The following CELF2 variants were observed in gnomAD, a reference collection of about 807,000 sequenced individuals.
CELF2 encodes the protein CUGBP Elav-like family member 2.
CELF2 carries 8 observed loss-of-function variants against 62.6 expected under a neutral mutation model. That is an observed-to-expected ratio of 0.13 (90% CI 0.07 to 0.23). The LOEUF is 0.23. CELF2 is among the 10% of genes least tolerant of loss of function. The pLI is 1.00. For synonymous variants in CELF2, 258 were observed against 250.0 expected (o/e 1.03, Z -0.30); for missense variants, 333 against 671.0 (o/e 0.50, Z 5.56).
chr10:10,994,706 T>C (rs1443627516), intron 2 of CELF2, among the ~76,000 whole-genome samples: 3 of 152,114 alleles, frequency 2.0e-5, no homozygotes, highest in African/African-American at 4.8e-5. Flanking sequence ...GAGTTTCATC[T>C]CAAAACCATC....
At chr10:10,699,362 T>A in the CELF2 span, among the ~76,000 whole-genome samples, 2 of 152,226 alleles carry the variant, frequency 1.3e-5, no homozygotes, top group Non-Finnish European at 2.9e-5. Flanking sequence ...CTTTTTGTGC[T>A]TCCTGGGTCT....
the CELF2 span, among the ~76,000 whole-genome samples, chr10:10,580,969 AG>A: frequency 6.6e-6 from 1 of 152,196 alleles, no homozygotes; most frequent in Non-Finnish European, 1.5e-5. Context: ...GTCCATGAAA[AG>A]GTTACAATTA....
the CELF2 span, among the ~76,000 whole-genome samples, chr10:10,716,526 G>A: frequency 2.6e-5 from 4 of 152,140 alleles, no homozygotes; most frequent in Non-Finnish European, 4.4e-5. Context: ...GGGTGATAAA[G>A]CAAGACTCAG....
intron 1 of CELF2, among the ~76,000 whole-genome samples, chr10:11,082,816 A>G (rs1322080913): frequency 6.6e-6 from 1 of 152,214 alleles, no homozygotes; most frequent in Non-Finnish European, 1.5e-5. Context: ...ATTGACTTCA[A>G]GATACCTCTT....
intron 7 of CELF2, among the ~76,000 whole-genome samples, chr10:11,273,324 G>C (rs973163201): frequency 6.6e-6 from 1 of 152,106 alleles, no homozygotes; most frequent in African/African-American, 2.4e-5. Flanking sequence ...CCTCCCGTCA[G>C]ATCAGCGGCA....
intron 1 of CELF2, among the ~76,000 whole-genome samples, chr10:10,847,236 A>G (rs1376308084): frequency 6.6e-6 from 1 of 152,118 alleles, no homozygotes; most frequent in Non-Finnish European, 1.5e-5. Flanking sequence ...ACATCTATAA[A>G]CAAAAGTGGA....
rs1317321952 is a variant in CELF2, at chr10:11,117,339, A to G, written c.75-48147A>G. On this transcript the variant is annotated intron_variant, in intron 1 of 12. Transcript: ENST00000633077. The surrounding 1 kb of genome is among the most constrained non-coding windows in gnomAD (Gnocchi z 4.1). The stretch of plus-strand genomic sequence containing the variant: ...CTTTCTTCATTCAACGGGTGTAACA[A>G]TATAAATCCTGCTGATTTCACAAAA... 6.6e-6 allele frequency among the ~76,000 whole-genome samples: 1 copy of G among 152,222 alleles called. No homozygotes were observed. Among genetic ancestry groups the G allele is most frequent in the Non-Finnish European group, 1.5e-5 (1 of 68,032 alleles).
intron 1 of CELF2, among the ~76,000 whole-genome samples, chr10:11,119,867 C>CCCCCCG (rs2057366673): frequency 7.8e-6 from 1 of 127,680 alleles, no homozygotes; most frequent in Admixed American, 7.8e-5. Context: ...TTCCGCCTCC[C>CCCCCCG]CCCCCCCGGC....
At chr10:10,662,416 C>A in the CELF2 span, among the ~76,000 whole-genome samples, 24 of 152,136 alleles carry the variant, frequency 1.6e-4, no homozygotes, top group African/African-American at 5.8e-4. Context: ...CATTGAACGT[C>A]TGCCTGGTGA....
the CELF2 span, among the ~76,000 whole-genome samples, chr10:10,737,036 T>A: frequency 6.6e-6 from 1 of 152,054 alleles, no homozygotes; most frequent in Non-Finnish European, 1.5e-5. Flanking sequence ...GCAGACCCTA[T>A]GACGGATGAG....
chr10:11,280,982 C>CTGTG lies in CELF2; in HGVS notation c.841+5865_841+5868dup, dbSNP rs541295992. On this transcript the variant is annotated intron_variant, in intron 8 of 12. Coordinates refer to ENST00000633077, the MANE Select transcript of CELF2 (RefSeq NM_001326342.2). This position sits in a 1 kb window ranked among gnomAD's most constrained non-coding sequence, Gnocchi z 7.6. Reference sequence around the variant, plus strand: ...CTGATGCTGGCGTGCGTGTGCATGCCTGTGTGCGTGTGTGTGTGTGTGTGT... The same window carrying CTGTG: ...CTGATGCTGGCGTGCGTGTGCATGCCTGTGTGTGTGCGTGTGTGTGTGTGTGTGT... Among the ~76,000 whole-genome samples the CTGTG allele has an allele frequency of 0.058, 6,899 of 119,810 alleles. 198 individuals are homozygous for CTGTG. The highest frequency in any genetic ancestry group is 0.11 in the Middle Eastern group (27 of 248). 78.6% of individuals were successfully genotyped at this position (119,810 alleles called of 152,430 possible). A position where few individuals can be genotyped will look rare whatever the true frequency, so the allele number is the denominator to read the frequency against.
the CELF2 span, among the ~76,000 whole-genome samples, chr10:10,577,364 TTTATTATTATTATTA>T: frequency 7.1e-6 from 1 of 141,404 alleles, no homozygotes. Context: ...AACAAATCTT[TTTATTATTATTATTA>T]TTATTATTAT....
chr10:11,297,931 G>A lies in CELF2; in HGVS notation c.976+9379G>A, dbSNP rs1001608632. 2.6e-5 allele frequency among the ~76,000 whole-genome samples: 4 copies of A among 152,208 alleles called. No homozygotes were observed. The highest frequency in any genetic ancestry group is 4.4e-5 in the Non-Finnish European group (3 of 68,024). On this transcript the variant is annotated intron_variant, in intron 9 of 12. Transcript: ENST00000633077. This position sits in a 1 kb window ranked among gnomAD's most constrained non-coding sequence, Gnocchi z 4.4. The stretch of plus-strand genomic sequence containing the variant: ...CAGGAGGCAGAGGTTGCAGTGAGCC[G>A]AGATCACGTCACTGCACTCCAGCCC...
Position 11,306,256 on chromosome 10 carries a change from C to G in CELF2, c.977-7883C>G, listed in dbSNP as rs569835974. ...GAGATTATGAACCAACATTTATAGA[C>G]CGCACCTCTCCTGAGATGCTCCTTT... On this transcript the variant is annotated intron_variant, in intron 9 of 12. Coordinates refer to ENST00000633077, the MANE Select transcript of CELF2 (RefSeq NM_001326342.2). The surrounding 1 kb of genome is among the most constrained non-coding windows in gnomAD (Gnocchi z 4.4). 2.0e-5 allele frequency among the ~76,000 whole-genome samples: 3 copies of G among 152,036 alleles called. No individual in the cohort carries two copies. In the South Asian group the frequency reaches 6.2e-4, roughly 32 times the overall value.
chr10:10,507,705 A>G, the CELF2 span, among the ~76,000 whole-genome samples: 1 of 151,818 alleles, frequency 6.6e-6, no homozygotes, highest in Non-Finnish European at 1.5e-5. Context: ...AGGGTGTGCT[A>G]TATGGATGTG....
intron 1 of CELF2, among the ~76,000 whole-genome samples, chr10:11,119,062 A>T (rs1171322560): frequency 6.6e-6 from 1 of 152,222 alleles, no homozygotes; most frequent in Non-Finnish European, 1.5e-5. Flanking sequence ...GACCAGCTAC[A>T]TGAACAAGGC....
chr10:10,697,023 A>C, the CELF2 span, among the ~76,000 whole-genome samples: 1 of 152,130 alleles, frequency 6.6e-6, no homozygotes, highest in African/African-American at 2.4e-5. Flanking sequence ...TTTAAGGTAC[A>C]TGTTCAAGGA....
At chr10:10,925,440 G>C (rs1325031940) in intron 2 of CELF2, among the ~76,000 whole-genome samples, 1 of 151,960 alleles carries the variant, frequency 6.6e-6, no homozygotes, top group Non-Finnish European at 1.5e-5. Context: ...CATACACTTA[G>C]TGCGTGCTGT....
chr10:11,118,830 C>CA (rs1286314705), intron 1 of CELF2, among the ~76,000 whole-genome samples: 1 of 152,192 alleles, frequency 6.6e-6, no homozygotes, highest in Non-Finnish European at 1.5e-5. Flanking sequence ...GAGCAGGAGA[C>CA]AAGGAGGTCA....
Sources: allele counts gnomAD v4.1 joint callset (sites outside exome capture counted in the v4.1 genomes callset), GRCh38; gene constraint gnomAD v4.1.1; non-coding constraint Gnocchi (gnomAD v3.1); transcripts MANE v1.5; gene names NCBI Gene and HGNC (gene_info 2026-07-23, HGNC 2026-07-21).